Variants in LDLRAD4 observed in about 807,000 individuals in gnomAD.
The protein encoded by LDLRAD4 is low density lipoprotein receptor class A domain containing 4, also known as low-density lipoprotein receptor class A domain-containing protein 4.
In LDLRAD4, 5 loss-of-function variants were observed where a neutral mutation model predicts 17.0. The observed-to-expected ratio is 0.29, with a 90% CI of 0.15 to 0.62. The LOEUF is 0.62. Ranked by LOEUF, LDLRAD4 falls within the 20% of genes least tolerant of loss-of-function variation. LDLRAD4 has a pLI of 0.84. For synonymous variants in LDLRAD4, 168 were observed against 171.8 expected (o/e 0.98, Z 0.17); for missense variants, 340 against 424.7 (o/e 0.80, Z 1.75).
chr18:13,601,005 A>G (rs2095154485), intron 3 of LDLRAD4, among the ~76,000 whole-genome samples: 1 of 152,192 alleles, frequency 6.6e-6, no homozygotes, highest in Non-Finnish European at 1.5e-5. Context: ...ATCTGCATAA[A>G]AGGCACTATC....
chr18:13,453,671 T>G (rs1047664517), intron 3 of LDLRAD4, among the ~76,000 whole-genome samples: 1 of 152,242 alleles, frequency 6.6e-6, no homozygotes, highest in Admixed American at 6.5e-5. Flanking sequence ...GAGACGTTGA[T>G]CAGGGCATGC....
chr18:13,564,617 A>G (rs1014297085), intron 3 of LDLRAD4, among the ~76,000 whole-genome samples: 1 of 150,772 alleles, frequency 6.6e-6, no homozygotes, highest in Non-Finnish European at 1.5e-5. Context: ...CTCACAAAAA[A>G]GCCCAAGCCT....
At chr18:13,511,622 CG>C (rs893950742) in intron 3 of LDLRAD4, among the ~76,000 whole-genome samples, 23 of 152,154 alleles carry the variant, frequency 1.5e-4, no homozygotes, top group African/African-American at 5.6e-4. Flanking sequence ...ATTCTGTAAT[CG>C]TTTTCTGATA....
intron 3 of LDLRAD4, among the ~76,000 whole-genome samples, chr18:13,447,282 A>G (rs1253459069): frequency 6.6e-6 from 1 of 152,156 alleles, no homozygotes; most frequent in Non-Finnish European, 1.5e-5. Flanking sequence ...CACTGGCAAC[A>G]CGCTTCTGCC....
chr18:13,636,435 A>G (rs1054555111), intron 4 of LDLRAD4, among the ~76,000 whole-genome samples: 1 of 151,972 alleles, frequency 6.6e-6, no homozygotes, highest in African/African-American at 2.4e-5. Flanking sequence ...AAAAAAAAAA[A>G]AGCCCAAAGG....
intron 1 of LDLRAD4, among the ~76,000 whole-genome samples, chr18:13,237,190 A>C (rs1290558884): frequency 2.6e-5 from 4 of 152,156 alleles, no homozygotes; most frequent in African/African-American, 9.7e-5. Flanking sequence ...CATCTTGAAA[A>C]TGGGATCATG....
intron 1 of LDLRAD4, among the ~76,000 whole-genome samples, chr18:13,247,692 G>A (rs188878525): frequency 1.3e-5 from 2 of 152,250 alleles, no homozygotes; most frequent in East Asian, 3.9e-4. Flanking sequence ...GGTCTGCAAA[G>A]TTTGTGCCTG....
At chr18:13,278,837 C>G (rs1177787920) in intron 1 of LDLRAD4, among the ~76,000 whole-genome samples, 1 of 152,042 alleles carries the variant, frequency 6.6e-6, no homozygotes, top group Admixed American at 6.6e-5. Context: ...GTCAGGAGCT[C>G]GATAAAACTT....
chr18:13,391,389 GC>G (rs1287293513), intron 2 of LDLRAD4, among the ~76,000 whole-genome samples: 1 of 152,098 alleles, frequency 6.6e-6, no homozygotes, highest in African/African-American at 2.4e-5. Flanking sequence ...AGTTTGGAAG[GC>G]CCCTGTCCCC....
At chr18:13,390,258 G>T (rs1420426594) in intron 2 of LDLRAD4, among the ~76,000 whole-genome samples, 3 of 152,218 alleles carry the variant, frequency 2.0e-5, no homozygotes, top group Non-Finnish European at 4.4e-5. Context: ...GGCAGTGGTG[G>T]GGTGTTCGCC....
intron 1 of LDLRAD4, among the ~76,000 whole-genome samples, chr18:13,386,288 G>C (rs989945538): frequency 6.6e-6 from 1 of 152,036 alleles, no homozygotes; most frequent in African/African-American, 2.4e-5. Flanking sequence ...TTGGGCTTCT[G>C]TCATTCTTGT....
At chr18:13,439,473 A>G (rs555305180) in intron 3 of LDLRAD4, among the ~76,000 whole-genome samples, 2 of 152,240 alleles carry the variant, frequency 1.3e-5, no homozygotes, top group South Asian at 2.1e-4. Flanking sequence ...TCCCATTTGC[A>G]TTTTCTCCTA....
At chr18:13,412,714 T>C (rs1426240288) in intron 2 of LDLRAD4, among the ~76,000 whole-genome samples, 1 of 152,170 alleles carries the variant, frequency 6.6e-6, no homozygotes, top group Admixed American at 6.6e-5. Flanking sequence ...GATTATGAGC[T>C]CTTGGAGGGC....
chr18:13,320,877 T>C (rs2081179332), intron 1 of LDLRAD4, among the ~76,000 whole-genome samples: 1 of 152,186 alleles, frequency 6.6e-6, no homozygotes, highest in Admixed American at 6.5e-5. Context: ...AGGATTGTTG[T>C]CATTCCCTCC....
At chr18:13,404,969 G>A (rs932510808) in intron 2 of LDLRAD4, among the ~76,000 whole-genome samples, 10 of 151,892 alleles carry the variant, frequency 6.6e-5, no homozygotes, top group African/African-American at 2.2e-4. Flanking sequence ...CAGTGTGAGC[G>A]AAACCCAATG....
intron 3 of LDLRAD4, among the ~76,000 whole-genome samples, chr18:13,537,165 C>CT (rs1188682766): frequency 1.3e-5 from 2 of 152,046 alleles, no homozygotes; most frequent in Admixed American, 1.3e-4. Flanking sequence ...GTCCTGTTTC[C>CT]TCTATTTTCT....
intron 3 of LDLRAD4, among the ~76,000 whole-genome samples, chr18:13,549,479 G>A (rs1051115767): frequency 6.6e-6 from 1 of 152,046 alleles, no homozygotes; most frequent in Admixed American, 6.6e-5. Flanking sequence ...AGGAAGACCA[G>A]ACGGTTCTGT....
At chr18:13,449,332 T>C (rs1457808065) in intron 3 of LDLRAD4, among the ~76,000 whole-genome samples, 3 of 152,172 alleles carry the variant, frequency 2.0e-5, no homozygotes. Context: ...TTTCATTCCC[T>C]GGGATGGCCT....
At chr18:13,407,051 G>A (rs749367221) in intron 2 of LDLRAD4, among the ~76,000 whole-genome samples, 31 of 152,186 alleles carry the variant, frequency 2.0e-4, no homozygotes, top group Non-Finnish European at 3.1e-4. Flanking sequence ...GCTGCAGGAC[G>A]GAATAGTAAA....
Sources: gnomAD v4.1 joint callset for allele counts (sites outside exome capture counted in the v4.1 genomes callset) on GRCh38, gnomAD v4.1.1 for gene constraint, MANE v1.5 for transcripts, NCBI Gene and HGNC (gene_info 2026-07-23, HGNC 2026-07-21) for gene names.